SENP6: variants seen among roughly 807,000 people sequenced by gnomAD.
The protein encoded by SENP6 is sentrin-specific protease 6.
Under a neutral mutation model 134.5 loss-of-function variants are expected in SENP6, and 41 were observed. The observed-to-expected ratio is 0.30, with a 90% CI of 0.24 to 0.40. SENP6 has a LOEUF of 0.40. SENP6 is among the 10% of genes least tolerant of loss of function. SENP6 has a pLI of 1.00. For synonymous variants in SENP6, 395 were observed against 429.8 expected (o/e 0.92, Z 1.00); for missense variants, 1,248 against 1,312.5 (o/e 0.95, Z 0.76).
At chr6:75,678,248 C>A in intron 14 of SENP6, 1 of 207,288 alleles carries the variant, frequency 4.8e-6, no homozygotes. Context: ...AGCCATTGAA[C>A]TAAGAGGCAA....
At chr6:75,625,693 A>G (rs10943274) in intron 3 of SENP6, among the ~76,000 whole-genome samples, 47,596 of 151,692 alleles carry the variant, frequency 0.31, 8,782 homozygotes, top group Admixed American at 0.48. Flanking sequence ...ACATGTTGAA[A>G]CCTCGTCTCT....
chr6:75,616,239 C>T (rs1455563423), intron 1 of SENP6, among the ~76,000 whole-genome samples: 1 of 152,170 alleles, frequency 6.6e-6, no homozygotes, highest in African/African-American at 2.4e-5. Flanking sequence ...TTTCTACTCT[C>T]ATAATTACAA....
At chr6:75,654,253 C>G (rs941930665) in intron 7 of SENP6, among the ~76,000 whole-genome samples, 2 of 152,140 alleles carry the variant, frequency 1.3e-5, no homozygotes, top group Admixed American at 1.3e-4. Context: ...CAAAGCAAAA[C>G]ATAAGTAAAG....
chr6:75,645,352 A>C (rs1196807094), intron 6 of SENP6, among the ~76,000 whole-genome samples: 2 of 152,234 alleles, frequency 1.3e-5, no homozygotes, highest in Non-Finnish European at 2.9e-5. Context: ...GTGGTGGTTT[A>C]TGCCTGTAAT....
intron 23 of SENP6, among the ~76,000 whole-genome samples, chr6:75,714,207 A>G (rs1775910832): frequency 6.6e-6 from 1 of 152,070 alleles, no homozygotes; most frequent in Non-Finnish European, 1.5e-5. Context: ...CTACTTCTCA[A>G]ATCTCTAAAA....
At chr6:75,646,680 C>G (rs1317971539) in intron 6 of SENP6, 1 of 152,190 alleles carries the variant, frequency 6.6e-6, no homozygotes, top group Non-Finnish European at 1.5e-5. Context: ...ACTAAAAATA[C>G]AAAAAATTAG....
intron 1 of SENP6, chr6:75,611,657 T>G (rs1767459119): frequency 1.3e-5 from 2 of 152,230 alleles, no homozygotes; most frequent in South Asian, 4.1e-4. Flanking sequence ...ATTTCTGGCT[T>G]TAGAAGTTTG....
intron 19 of SENP6, among the ~76,000 whole-genome samples, chr6:75,705,687 G>A (rs1241416465): frequency 6.6e-6 from 1 of 151,806 alleles, no homozygotes; most frequent in Non-Finnish European, 1.5e-5. Context: ...ACATGCTATA[G>A]TGTGTGCCTT....
chr6:75,679,168 C>T (rs758564488), intron 16 of SENP6: 14 of 324,912 alleles, frequency 4.3e-5, no homozygotes, highest in African/African-American at 2.2e-4. Context: ...AATCCTGACA[C>T]TTTGGGAGGT....
intron 16 of SENP6, among the ~76,000 whole-genome samples, chr6:75,684,101 G>T (rs551694541): frequency 6.6e-6 from 1 of 152,256 alleles, no homozygotes; most frequent in East Asian, 1.9e-4. Context: ...TGTCCTTGAA[G>T]AGGTCCTTCA....
At chr6:75,702,150 T>C (rs964888182) in intron 18 of SENP6, among the ~76,000 whole-genome samples, 2 of 151,904 alleles carry the variant, frequency 1.3e-5, no homozygotes, top group Non-Finnish European at 2.9e-5. Flanking sequence ...ATAGACATTG[T>C]GTTCTGTTAC....
Position 75,670,630 on chromosome 6 carries a change from A to C in SENP6, c.1302A>C (p.Leu434Phe). The change falls in exon 11 of 24, where the codon TTA becomes TTC. Residue 434 changes from leucine to phenylalanine, a missense_variant. Physicochemically the swap from Leu to Phe is conservative, Grantham distance 22 (BLOSUM62 0). This residue lies in a region of SENP6 where 733 missense variants were observed against 725.4 expected (regional missense o/e 1.01). Transcript: ENST00000447266. ...FSQEPPDALA[L>F]SCQSSFDSVI... ...AAGAACCTCCAGATGCTTTAGCTTT[A>C]AGCTGCCAAAGTTCCTTTGACAGTG... 2.5e-6 allele frequency: 4 copies of C among 1,613,568 alleles called. No homozygotes were observed. The highest frequency in any genetic ancestry group is 3.4e-6 in the Non-Finnish European group (4 of 1,179,668).
rs1323896595 is a variant in SENP6 at position 75,716,667 on chromosome 6, A to C, written c.*1073A>C. 1.3e-5 allele frequency: 2 copies of C among 151,988 alleles called. No homozygotes were observed. Among genetic ancestry groups the C allele is most frequent in the East Asian group, 3.8e-4 (2 of 5,198 alleles). 9.4% of individuals were successfully genotyped at this position (151,988 alleles called of 1,614,324 possible). ...ATGGTTTCCATGACAGATTTATAGCACATATAGGGATCTTGCATGTATCTG... is the reference window on the plus strand; with the variant it reads ...ATGGTTTCCATGACAGATTTATAGCCCATATAGGGATCTTGCATGTATCTG... On this transcript the variant is annotated 3_prime_UTR_variant, in exon 24 of 24. Transcript: ENST00000447266.
At chr6:75,697,675 C>T (rs765075724) in intron 18 of SENP6, 158 bp downstream of exon 18, 1 of 562,402 alleles carries the variant, frequency 1.8e-6, no homozygotes, top group Non-Finnish European at 3.2e-6. Context: ...AGAATTAATG[C>T]AGTTTCACAG....
At chr6:75,692,980 A>G (rs554566829) in intron 16 of SENP6, among the ~76,000 whole-genome samples, 44 of 152,268 alleles carry the variant, frequency 2.9e-4, no homozygotes, top group African/African-American at 9.9e-4. Flanking sequence ...AAGAGGTAAG[A>G]GGATGGCTTC....
chr6:75,625,105 G>A (rs1476921308), intron 3 of SENP6, among the ~76,000 whole-genome samples: 1 of 137,232 alleles, frequency 7.3e-6, no homozygotes, highest in Non-Finnish European at 1.5e-5. Context: ...ATACGTGTGT[G>A]TGTGTCCTTT....
At chr6:75,621,460 G>A in intron 1 of SENP6, 72 bp from the exon 2 acceptor site, 1 of 905,142 alleles carries the variant, frequency 1.1e-6, no homozygotes, top group Non-Finnish European at 1.7e-6. Flanking sequence ...AAGAGCTTGG[G>A]AAATGCACAT....
intron 6 of SENP6, among the ~76,000 whole-genome samples, chr6:75,646,315 A>G (rs1171364731): frequency 6.6e-6 from 1 of 152,150 alleles, no homozygotes; most frequent in Non-Finnish European, 1.5e-5. Flanking sequence ...GCCCAGTTTT[A>G]CCAGATGTTG....
At chr6:75,639,457 G>C (rs1253540322) in intron 5 of SENP6, among the ~76,000 whole-genome samples, 2 of 151,640 alleles carry the variant, frequency 1.3e-5, no homozygotes, top group African/African-American at 4.8e-5. Flanking sequence ...CATTTGCTAG[G>C]ATTAAATTGG....
Sources: gnomAD v4.1 joint callset for allele counts (sites outside exome capture counted in the v4.1 genomes callset) on GRCh38, gnomAD v4.1.1 for gene constraint, gnomAD v4.1.1 regional missense constraint, MANE v1.5 for transcripts, NCBI Gene and HGNC (gene_info 2026-07-23, HGNC 2026-07-21) for gene names.